Variants in MCF2L2 observed in about 807,000 individuals in gnomAD.
MCF2L2 encodes the protein MCF.2 cell line derived transforming sequence-like 2, also known as probable guanine nucleotide exchange factor MCF2L2.
Under a neutral mutation model 150.2 loss-of-function variants are expected in MCF2L2, and 102 were observed. The observed-to-expected ratio is 0.68, with a 90% confidence interval of 0.58 to 0.80. The LOEUF is 0.80. Ranked by LOEUF, MCF2L2 falls within the 30% of genes least tolerant of loss-of-function variation. The probability of loss-of-function intolerance (pLI) is 0.00; values close to 1 mark genes in which losing one functional copy is unlikely to be tolerated. For synonymous variants in MCF2L2, 465 were observed against 491.3 expected (o/e 0.95, Z 0.71); for missense variants, 1,256 against 1,372.8 (o/e 0.91, Z 1.34).
Position 183,181,171 on chromosome 3 carries a change from G to A in MCF2L2, c.3017-1012C>T, listed in dbSNP as rs1157007821. Among the ~76,000 whole-genome samples the A allele has an allele frequency of 6.6e-6, 1 of 152,206 alleles. No homozygotes were observed. Among genetic ancestry groups the A allele is most frequent in the East Asian group, 1.9e-4 (1 of 5,186 alleles). ...CAGAGGCATGGCCAGAGGGCGGTAG[G>A]CGGCAGTGGAGGGAGCTGCAGTTAT... is the stretch of plus-strand genomic sequence containing the variant. On this transcript the variant is annotated intron_variant, in intron 27 of 29. Coordinates refer to ENST00000328913, the MANE Select transcript of MCF2L2 (RefSeq NM_015078.4). The surrounding 1 kb of genome is among the most constrained non-coding windows in gnomAD (Gnocchi z 4.3).
At chr3:183,427,850 C>G (rs1716252924) in intron 1 of MCF2L2, 52 bp downstream of exon 1, 1 of 1,491,010 alleles carries the variant, frequency 6.7e-7, no homozygotes, top group African/African-American at 1.4e-5. Flanking sequence ...AGCCCAGAGA[C>G]CATCCTCACC....
chr3:183,279,291 C>T (rs1727345386), intron 14 of MCF2L2, among the ~76,000 whole-genome samples: 1 of 151,572 alleles, frequency 6.6e-6, no homozygotes, highest in Admixed American at 6.6e-5. Context: ...AGCCAAAGTA[C>T]TTTTAGGAAA....
intron 3 of MCF2L2, among the ~76,000 whole-genome samples, chr3:183,344,145 C>CT (rs1167004500): frequency 6.6e-6 from 1 of 151,796 alleles, no homozygotes; most frequent in African/African-American, 2.4e-5. Flanking sequence ...CACCACCCCC[C>CT]CCAAAAAAAG....
intron 15 of MCF2L2, among the ~76,000 whole-genome samples, chr3:183,249,761 A>G (rs767414388): frequency 1.3e-5 from 2 of 152,240 alleles, no homozygotes; most frequent in Non-Finnish European, 2.9e-5. Context: ...CCTTGGTGGC[A>G]TCAAAGGAGA....
chr3:183,412,514 G>A (rs1487519607), intron 1 of MCF2L2, among the ~76,000 whole-genome samples: 1 of 151,974 alleles, frequency 6.6e-6, no homozygotes, highest in Non-Finnish European at 1.5e-5. Context: ...GGCCAACCTG[G>A]TCTCAAACTC....
chr3:183,288,770 G>A lies in MCF2L2; in HGVS notation c.1776+350C>T, dbSNP rs1046574609. 7.2e-5 allele frequency among the ~76,000 whole-genome samples: 11 copies of A among 152,016 alleles called. No homozygotes were observed. The South Asian group carries it at 8.3e-4, about 11-fold the overall frequency. ...GCTGGGATTACAGGCGTGAACCACC[G>A]CGCCCGGCCTGTCATGCTCTTTTTA... On this transcript the variant is annotated intron_variant, in intron 14 of 29. Transcript: ENST00000328913.
At chr3:183,340,814 A>AGG (rs1265323562) in intron 4 of MCF2L2, among the ~76,000 whole-genome samples, 1 of 152,082 alleles carries the variant, frequency 6.6e-6, no homozygotes, top group African/African-American at 2.4e-5. Flanking sequence ...GTGGTGGTGC[A>AGG]CGCCTGCAAT....
At chr3:183,320,094 CTTTT>C (rs568657208) in intron 6 of MCF2L2, among the ~76,000 whole-genome samples, 2 of 134,658 alleles carry the variant, frequency 1.5e-5, no homozygotes, top group African/African-American at 2.8e-5. Flanking sequence ...TTTTTCTTTT[CTTTT>C]TTTTTTTTTT....
intron 27 of MCF2L2, among the ~76,000 whole-genome samples, chr3:183,184,049 G>A (rs778639484): frequency 3.9e-5 from 6 of 152,082 alleles, no homozygotes; most frequent in South Asian, 2.1e-4. Flanking sequence ...CAGGGGTCTC[G>A]CTCTGTCGCC....
intron 3 of MCF2L2, among the ~76,000 whole-genome samples, chr3:183,370,146 G>A (rs1005722562): frequency 6.6e-6 from 1 of 152,230 alleles, no homozygotes; most frequent in Non-Finnish European, 1.5e-5. Flanking sequence ...TTTAAAGCCT[G>A]AAAGCCAAGC....
chr3:183,260,903 A>G (rs1290332422), intron 15 of MCF2L2, among the ~76,000 whole-genome samples: 1 of 152,230 alleles, frequency 6.6e-6, no homozygotes, highest in South Asian at 2.1e-4. Context: ...AAGAATTCCA[A>G]ATGGCTTCTA....
chr3:183,207,183 G>T (rs1459555581), intron 23 of MCF2L2, among the ~76,000 whole-genome samples: 1 of 152,126 alleles, frequency 6.6e-6, no homozygotes, highest in Non-Finnish European at 1.5e-5. Flanking sequence ...AACAATGCTT[G>T]GTGTGGGCCT....
chr3:183,315,860 A>AAAAATCT lies in MCF2L2; in HGVS notation c.753+2201_753+2207dup, dbSNP rs545301241. ...ACCCCCTAGTTATGTGTCCTTATCT[A>AAAAATCT]AAAATCTAAATGTTTTAACCTTTTC... On this transcript the variant is annotated intron_variant, in intron 7 of 29. Transcript: ENST00000328913. Among the ~76,000 whole-genome samples the AAAAATCT allele has an allele frequency of 3.2e-4, 49 of 152,290 alleles. 1 individual carries two copies. In the East Asian group the frequency reaches 9.2e-3, roughly 29 times the overall value.
At chr3:183,319,818 C>T (rs1047876369) in intron 6 of MCF2L2, among the ~76,000 whole-genome samples, 11 of 152,172 alleles carry the variant, frequency 7.2e-5, no homozygotes, top group African/African-American at 2.7e-4. Context: ...TGCTGCCATC[C>T]AGGCTCTGTT....
chr3:183,334,698 C>G (rs1273400797), intron 5 of MCF2L2, among the ~76,000 whole-genome samples: 1 of 149,420 alleles, frequency 6.7e-6, no homozygotes, highest in African/African-American at 2.5e-5. Flanking sequence ...GAGGCTGAGG[C>G]AGGAGAATTG....
At chr3:183,391,189 G>T (rs181767563) in intron 1 of MCF2L2, among the ~76,000 whole-genome samples, 13 of 152,028 alleles carry the variant, frequency 8.6e-5, no homozygotes, top group Admixed American at 3.3e-4. Context: ...TATATAGAGG[G>T]TGCTGAGCAA....
chr3:183,341,668 G>A lies in MCF2L2; in HGVS notation c.276-38C>T, dbSNP rs773668736. On this transcript the variant is annotated intron_variant, in intron 3 of 29. Transcript: ENST00000328913. ...GTGGTCAGTGTCAGAGATTAGGTGA[G>A]ACCCATATGCTCCATGTGGCTCCCA... The A allele has an allele frequency of 6.4e-6, 9 of 1,398,744 alleles. No homozygotes were observed. In the South Asian group the frequency reaches 9.2e-5, roughly 14 times the overall value. 86.6% of individuals were successfully genotyped at this position (1,398,744 alleles called of 1,614,324 possible).
intron 1 of MCF2L2, among the ~76,000 whole-genome samples, chr3:183,409,930 T>C (rs1560063227): frequency 6.6e-6 from 1 of 152,098 alleles, no homozygotes; most frequent in Non-Finnish European, 1.5e-5. Flanking sequence ...AAAGGATCTA[T>C]ATGAGGAAGG....
At chr3:183,389,639 CT>C in intron 2 of MCF2L2, 56 bp downstream of exon 2, 1 of 1,429,832 alleles carries the variant, frequency 7.0e-7, no homozygotes, top group East Asian at 2.3e-5. Flanking sequence ...GAGGCTGGAC[CT>C]TCCCATCAAG....
Sources: allele counts gnomAD v4.1 joint callset (sites outside exome capture counted in the v4.1 genomes callset), GRCh38; gene constraint gnomAD v4.1.1; non-coding constraint Gnocchi (gnomAD v3.1); transcripts MANE v1.5; gene names NCBI Gene and HGNC (gene_info 2026-07-23, HGNC 2026-07-21).